The following TSHZ2 variants were observed in gnomAD, a reference collection of about 807,000 sequenced individuals.
TSHZ2 encodes the protein teashirt zinc finger homeobox 2.
A neutral mutation model predicts 74.4 loss-of-function variants in TSHZ2; 21 were observed. The ratio of observed to expected loss-of-function variants is 0.28; its 90% confidence interval spans 0.20 to 0.41. The LOEUF (loss-of-function observed/expected upper bound fraction) is 0.41. Among genes scored for constraint, TSHZ2 ranks in the 10% least tolerant of loss-of-function variants. The pLI, the probability that TSHZ2 is intolerant of heterozygous loss-of-function variation, is 1.00. For missense variants in TSHZ2, 1,244 were observed against 1,293.5 expected (o/e 0.96, Z 0.59); for synonymous variants, 540 against 515.3 (o/e 1.05, Z -0.65).
chr20:53,329,952 A>AT (rs1979657457), intron 2 of TSHZ2, among the ~76,000 whole-genome samples: 1 of 152,210 alleles, frequency 6.6e-6, no homozygotes, highest in Admixed American at 6.5e-5. Flanking sequence ...CTCAGGCCAA[A>AT]TCCAACCCAC....
chr20:53,102,785 T>C (rs1165366119), intron 1 of TSHZ2, among the ~76,000 whole-genome samples: 4 of 152,178 alleles, frequency 2.6e-5, no homozygotes, highest in Non-Finnish European at 5.9e-5. Flanking sequence ...GCAGCTCATG[T>C]AGTTTAGGAG....
At chr20:53,389,911 C>T (rs771126629) in intron 2 of TSHZ2, among the ~76,000 whole-genome samples, 7 of 152,178 alleles carry the variant, frequency 4.6e-5, no homozygotes, top group East Asian at 1.9e-4. Flanking sequence ...AAAGCCTTTT[C>T]GTCTAGACCA....
intron 2 of TSHZ2, among the ~76,000 whole-genome samples, chr20:53,413,688 A>T (rs1206352071): frequency 6.6e-6 from 1 of 152,226 alleles, no homozygotes; most frequent in East Asian, 1.9e-4. Context: ...GCATAAGCAC[A>T]TTTTAGTTTT....
rs1198551950 is a variant in TSHZ2, at chr20:53,325,778, T to TTTTTG, written c.*8+69222_*8+69226dup. On this transcript the variant is annotated intron_variant, in intron 2 of 2. Transcript: ENST00000371497. The stretch of plus-strand genomic sequence containing the variant: ...CCCTCCCGGCTACTTTAGTATCTTT[T>TTTTTG]TTTTGTTTTGTTTTGTTTTTTGAGA... 1.2e-3 allele frequency among the ~76,000 whole-genome samples: 187 copies of TTTTTG among 152,204 alleles called. 1 individual carries two copies. The highest frequency in any genetic ancestry group is 1.5e-3 in the South Asian group (7 of 4,818).
chr20:53,031,170 C>G (rs1983621633), intron 1 of TSHZ2, among the ~76,000 whole-genome samples: 1 of 152,154 alleles, frequency 6.6e-6, no homozygotes, highest in African/African-American at 2.4e-5. Flanking sequence ...CCAAATCACC[C>G]TAGAAAGGAT....
rs200464723 is a variant in TSHZ2, at chr20:53,142,080, TTTG to T, written c.41-111410_41-111408del. Among the ~76,000 whole-genome samples, 35 of 152,304 alleles carry T rather than the reference TTTG, an allele frequency of 2.3e-4. No homozygotes were observed. In the East Asian group the frequency reaches 6.6e-3, roughly 29 times the overall value. On this transcript the variant is annotated intron_variant, in intron 1 of 2. Transcript: ENST00000371497. ...CATCCTAAGTCAAGATTTTTTGTTG[TTTG>T]TTGTTGTTTTTGTTGTTGCCCATGA...
intron 1 of TSHZ2, among the ~76,000 whole-genome samples, chr20:52,979,919 T>C (rs1981498727): frequency 1.3e-5 from 2 of 152,322 alleles, no homozygotes; most frequent in African/African-American, 4.8e-5. Context: ...AAGAAATACC[T>C]GGATCATATT....
At chr20:53,014,950 A>G (rs141255385) in intron 1 of TSHZ2, among the ~76,000 whole-genome samples, 2 of 152,234 alleles carry the variant, frequency 1.3e-5, no homozygotes, top group African/African-American at 4.8e-5. Context: ...ACTGCATTTA[A>G]AGCCTAATTC....
At chr20:53,015,869 T>G (rs1490368475) in intron 1 of TSHZ2, among the ~76,000 whole-genome samples, 1 of 152,128 alleles carries the variant, frequency 6.6e-6, no homozygotes, top group Non-Finnish European at 1.5e-5. Flanking sequence ...CCTTGCCCAG[T>G]GTTCAGGGGG....
At chr20:53,433,590 C>CAG (rs201865426) in intron 2 of TSHZ2, among the ~76,000 whole-genome samples, 64 of 148,360 alleles carry the variant, frequency 4.3e-4, no homozygotes, top group African/African-American at 1.4e-3. Context: ...CACAGACACA[C>CAG]ACACACACAC....
intron 2 of TSHZ2, among the ~76,000 whole-genome samples, chr20:53,303,382 G>A (rs16997908): frequency 0.052 from 7,886 of 152,210 alleles, 689 homozygotes; most frequent in African/African-American, 0.18. Flanking sequence ...AGTTTAAAAA[G>A]CCTTCATTTA....
chr20:53,301,920 T>G (rs1384051491), intron 2 of TSHZ2, among the ~76,000 whole-genome samples: 1 of 152,162 alleles, frequency 6.6e-6, no homozygotes, highest in African/African-American at 2.4e-5. Flanking sequence ...GAGAATATCA[T>G]AATATTTAAA....
At chr20:53,359,024 C>CT (rs1980955639) in intron 2 of TSHZ2, among the ~76,000 whole-genome samples, 1 of 152,136 alleles carries the variant, frequency 6.6e-6, no homozygotes, top group Non-Finnish European at 1.5e-5. Flanking sequence ...AGATGGCCTG[C>CT]TTTTTCTGCT....
At chr20:53,454,454 C>T (rs550200346) in intron 2 of TSHZ2, among the ~76,000 whole-genome samples, 8 of 151,378 alleles carry the variant, frequency 5.3e-5, no homozygotes, top group African/African-American at 1.5e-4. Context: ...CCCAGCTACT[C>T]GGGAGGCTGA....
chr20:53,133,705 A>G (rs1302803857), intron 1 of TSHZ2, among the ~76,000 whole-genome samples: 3 of 152,208 alleles, frequency 2.0e-5, no homozygotes, highest in African/African-American at 4.8e-5. Flanking sequence ...AGTGAATTCT[A>G]TCGCATTGCC....
chr20:53,213,456 C>G (rs975027948), intron 1 of TSHZ2, among the ~76,000 whole-genome samples: 19 of 152,134 alleles, frequency 1.2e-4, no homozygotes, highest in African/African-American at 4.6e-4. Context: ...ACTGGGCTGA[C>G]TGCATGGCTG....
chr20:53,137,080 G>A (rs982444213), intron 1 of TSHZ2, among the ~76,000 whole-genome samples: 3 of 152,016 alleles, frequency 2.0e-5, no homozygotes, highest in South Asian at 2.1e-4. Context: ...CTTGGGTTCC[G>A]AAAAATTAAA....
At chr20:53,409,959 G>A (rs902274342) in intron 2 of TSHZ2, among the ~76,000 whole-genome samples, 1 of 135,038 alleles carries the variant, frequency 7.4e-6, no homozygotes, top group African/African-American at 2.8e-5. Context: ...AGATTATTCT[G>A]TCTCAGCCTC....
chr20:53,164,377 A>G (rs922361068), intron 1 of TSHZ2, among the ~76,000 whole-genome samples: 25 of 152,032 alleles, frequency 1.6e-4, no homozygotes, highest in Admixed American at 1.6e-3. Flanking sequence ...AATATTTCAT[A>G]GTTTACAACT....
Sources: gnomAD v4.1 joint callset for allele counts (sites outside exome capture counted in the v4.1 genomes callset) on GRCh38, gnomAD v4.1.1 for gene constraint, MANE v1.5 for transcripts, NCBI Gene and HGNC (gene_info 2026-07-23, HGNC 2026-07-21) for gene names.